Variants in PDE3B observed in about 807,000 individuals in gnomAD.
PDE3B encodes the protein phosphodiesterase 3B.
Under a neutral mutation model 116.8 loss-of-function variants are expected in PDE3B, and 66 were observed. The observed-to-expected ratio is 0.56, with a 90% CI of 0.46 to 0.69. The LOEUF (loss-of-function observed/expected upper bound fraction) is 0.69, where lower values mean the gene tolerates loss of function less well. PDE3B is among the 30% of genes least tolerant of loss of function. The probability of loss-of-function intolerance (pLI) is 0.00; values close to 1 mark genes in which losing one functional copy is unlikely to be tolerated. For synonymous variants in PDE3B, 595 were observed against 533.6 expected (o/e 1.12, Z -1.59); for missense variants, 1,384 against 1,368.1 (o/e 1.01, Z -0.18).
intron 1 of PDE3B, among the ~76,000 whole-genome samples, chr11:14,721,926 T>TAA (rs1200588371): frequency 8.6e-6 from 1 of 116,498 alleles, no homozygotes; most frequent in Non-Finnish European, 1.8e-5. Flanking sequence ...AAAGTATAAT[T>TAA]AAAAAAAAAA....
At chr11:14,793,015 T>A (rs1275186754) in intron 4 of PDE3B, among the ~76,000 whole-genome samples, 1 of 152,192 alleles carries the variant, frequency 6.6e-6, no homozygotes, top group Non-Finnish European at 1.5e-5. Flanking sequence ...GAGATTGCAT[T>A]AAAATGAATC....
At chr11:14,880,257 A>C in the PDE3B span, 1 of 1,613,110 alleles carries the variant, frequency 6.2e-7, no homozygotes, top group Admixed American at 1.7e-5. Flanking sequence ...TGGAGAAAGT[A>C]GATGATGGGT....
chr11:14,890,537 C>CTTTTTTTTTTTTTT, the PDE3B span: 1 of 64,272 alleles, frequency 1.6e-5, no homozygotes, highest in Admixed American at 2.5e-4. Flanking sequence ...TAGACCAATT[C>CTTTTTTTTTTTTTT]TTTTTTTTTT....
chr11:14,701,469 A>G (rs563405073), intron 1 of PDE3B, among the ~76,000 whole-genome samples: 10 of 151,844 alleles, frequency 6.6e-5, no homozygotes, highest in African/African-American at 2.4e-4. Flanking sequence ...GATAGTACCA[A>G]AAGACTTAAG....
At chr11:14,669,975 G>A (rs1379984201) in intron 1 of PDE3B, among the ~76,000 whole-genome samples, 1 of 152,108 alleles carries the variant, frequency 6.6e-6, no homozygotes. Context: ...TTATTACTAA[G>A]TCTTGTATTA....
intron 6 of PDE3B, 139 bp from the exon 7 acceptor site, chr11:14,818,997 A>T: frequency 1.9e-6 from 1 of 523,208 alleles, no homozygotes; most frequent in Non-Finnish European, 3.5e-6. Context: ...AAAGCCTTTG[A>T]ACTTTATGGA....
chr11:14,850,915 G>A (rs752828689), intron 12 of PDE3B, among the ~76,000 whole-genome samples: 9 of 151,380 alleles, frequency 5.9e-5, no homozygotes, highest in African/African-American at 1.5e-4. Flanking sequence ...TGCAAGCTCC[G>A]CCCCCCAGGT....
chr11:14,724,059 AT>A (rs1160467016), intron 1 of PDE3B, among the ~76,000 whole-genome samples: 1 of 152,188 alleles, frequency 6.6e-6, no homozygotes, highest in African/African-American at 2.4e-5. Context: ...CATAGTGGCT[AT>A]GGGGAGACTC....
chr11:14,857,677 T>G (rs782583573), intron 12 of PDE3B, among the ~76,000 whole-genome samples: 1 of 152,206 alleles, frequency 6.6e-6, no homozygotes, highest in Non-Finnish European at 1.5e-5. Flanking sequence ...TTTGGCAATT[T>G]CAAAGGGTAA....
At chr11:14,659,026 C>T (rs765601091) in intron 1 of PDE3B, among the ~76,000 whole-genome samples, 2 of 152,122 alleles carry the variant, frequency 1.3e-5, no homozygotes, top group Non-Finnish European at 2.9e-5. Flanking sequence ...CTGAAAGTAA[C>T]TTGAAGAACA....
intron 1 of PDE3B, among the ~76,000 whole-genome samples, chr11:14,760,094 A>T (rs373004434): frequency 4.6e-5 from 7 of 152,308 alleles, no homozygotes; most frequent in African/African-American, 1.7e-4. Flanking sequence ...AGTTAGAGAA[A>T]CCACAGTATG....
At chr11:14,726,398 CA>C (rs1336621999) in intron 1 of PDE3B, among the ~76,000 whole-genome samples, 1 of 152,076 alleles carries the variant, frequency 6.6e-6, no homozygotes, top group Non-Finnish European at 1.5e-5. Context: ...GTTCCATAAA[CA>C]TTTTTTTTTA....
At chr11:14,708,389 C>T (rs1234769255) in intron 1 of PDE3B, among the ~76,000 whole-genome samples, 1 of 152,004 alleles carries the variant, frequency 6.6e-6, no homozygotes, top group African/African-American at 2.4e-5. Flanking sequence ...ACTACCCAGC[C>T]TCAGGTATTC....
intron 7 of PDE3B, among the ~76,000 whole-genome samples, chr11:14,822,898 C>T (rs1859565981): frequency 6.6e-6 from 1 of 152,108 alleles, no homozygotes; most frequent in Non-Finnish European, 1.5e-5. Flanking sequence ...TGATGGAGCT[C>T]CCAGAGGGAG....
the PDE3B span, among the ~76,000 whole-genome samples, chr11:14,883,406 C>T: frequency 4.9e-3 from 752 of 152,268 alleles, 7 homozygotes; most frequent in African/African-American, 0.017. Flanking sequence ...TGATCTTTGA[C>T]GAACCTGAGA....
At chr11:14,680,977 G>A (rs2133793794) in intron 1 of PDE3B, among the ~76,000 whole-genome samples, 1 of 152,266 alleles carries the variant, frequency 6.6e-6, no homozygotes, top group South Asian at 2.1e-4. Context: ...ATGGGGTTAT[G>A]TATCCAGATA....
chr11:14,715,680 A>C (rs978490554), intron 1 of PDE3B, among the ~76,000 whole-genome samples: 12 of 152,172 alleles, frequency 7.9e-5, no homozygotes, highest in African/African-American at 2.4e-4. Flanking sequence ...GGTTTTCTAA[A>C]TATACAATCA....
chr11:14,735,958 TTGTGTGTGTGTGTG>T lies in PDE3B; in HGVS notation c.979-35954_979-35941del, dbSNP rs59099319. On this transcript the variant is annotated intron_variant, in intron 1 of 15. Transcript: ENST00000282096. Reference sequence around the variant, plus strand: ...ATCTGGATGTGCTGGGAATAATAGGTTGTGTGTGTGTGTGTGTGTGTGTGTGTGTGTGTGTGTGA... The same window carrying T: ...ATCTGGATGTGCTGGGAATAATAGGTTGTGTGTGTGTGTGTGTGTGTGTGA... Among the ~76,000 whole-genome samples the T allele has an allele frequency of 2.4e-4, 34 of 143,026 alleles. No homozygotes were observed. In the South Asian group the frequency reaches 7.0e-3, roughly 29 times the overall value. 93.8% of individuals were successfully genotyped at this position (143,026 alleles called of 152,430 possible).
At chr11:14,738,304 C>A (rs1350509579) in intron 1 of PDE3B, among the ~76,000 whole-genome samples, 2 of 152,138 alleles carry the variant, frequency 1.3e-5, no homozygotes, top group Non-Finnish European at 2.9e-5. Context: ...TTTTAGTGAT[C>A]GCCATTCTAA....
Sources: gnomAD v4.1 joint callset for allele counts (sites outside exome capture counted in the v4.1 genomes callset) on GRCh38, gnomAD v4.1.1 for gene constraint, MANE v1.5 for transcripts, NCBI Gene and HGNC (gene_info 2026-07-23, HGNC 2026-07-21) for gene names.